ANO1: variants seen among roughly 807,000 people sequenced by gnomAD.
ANO1 encodes the protein anoctamin 1.
A neutral mutation model predicts 124.0 loss-of-function variants in ANO1; 59 were observed. The observed-to-expected ratio is 0.48, with a 90% confidence interval of 0.39 to 0.59. The LOEUF (loss-of-function observed/expected upper bound fraction) is 0.59, where lower values mean the gene tolerates loss of function less well. Ranked by LOEUF, ANO1 falls within the 20% of genes least tolerant of loss-of-function variation. The probability of loss-of-function intolerance (pLI) is 0.00; values close to 1 mark genes in which losing one functional copy is unlikely to be tolerated. For synonymous variants in ANO1, 529 were observed against 532.0 expected (o/e 0.99, Z 0.08); for missense variants, 1,059 against 1,328.0 (o/e 0.80, Z 3.15).
intron 1 of ANO1, among the ~76,000 whole-genome samples, chr11:70,003,540 A>C (rs1856423343): frequency 6.7e-6 from 1 of 149,738 alleles, no homozygotes. Context: ...ATCACCCTTT[A>C]TGTCCAGTGC....
At chr11:70,032,504 A>C (rs889410405) in intron 1 of ANO1, among the ~76,000 whole-genome samples, 1 of 147,602 alleles carries the variant, frequency 6.8e-6, no homozygotes, top group Non-Finnish European at 1.5e-5. Flanking sequence ...GGAGCAAAAA[A>C]GATGGGAGAG....
At chr11:70,062,925 G>T (rs1194240379) in intron 1 of ANO1, among the ~76,000 whole-genome samples, 3 of 152,002 alleles carry the variant, frequency 2.0e-5, no homozygotes, top group Admixed American at 6.6e-5. Context: ...TGTTGTTGTT[G>T]TTTGTTGTTG....
intron 1 of ANO1, among the ~76,000 whole-genome samples, chr11:70,047,026 G>A (rs557368812): frequency 6.8e-6 from 1 of 147,814 alleles, no homozygotes; most frequent in East Asian, 2.0e-4. Flanking sequence ...GTTGCAGTGA[G>A]CCAAGATCAC....
intron 1 of ANO1, among the ~76,000 whole-genome samples, chr11:70,057,946 T>C (rs782201959): frequency 6.6e-6 from 1 of 151,990 alleles, no homozygotes; most frequent in Non-Finnish European, 1.5e-5. Context: ...ATTTTGGCTG[T>C]GGTATGGAGA....
Position 70,146,068 on chromosome 11 carries a change from A to G in ANO1, c.1259-3642A>G, listed in dbSNP as rs74449719. On this transcript the variant is annotated intron_variant, in intron 11 of 25. Coordinates refer to ENST00000355303, the MANE Select transcript of ANO1 (RefSeq NM_018043.7). ...CCCATTTCCTCATCCATAAGATGGT[A>G]TGCTTTAATAATCAGATTTGTGACG... Among the ~76,000 whole-genome samples the G allele has an allele frequency of 8.6e-5, 13 of 152,028 alleles. No individual in the cohort carries two copies. In the East Asian group the frequency reaches 1.7e-3, roughly 20 times the overall value.
chr11:69,986,450 G>T (rs909653211), intron 1 of ANO1, among the ~76,000 whole-genome samples: 8 of 152,114 alleles, frequency 5.3e-5, no homozygotes, highest in African/African-American at 1.9e-4. Flanking sequence ...GCGCCGCCGG[G>T]CAGGGGCCCC....
chr11:70,108,217 CT>C (rs1315234029), intron 5 of ANO1, 135 bp from the exon 6 acceptor site: 1 of 761,978 alleles, frequency 1.3e-6, no homozygotes, highest in Non-Finnish European at 2.1e-6. Context: ...ATGCCATTGT[CT>C]TTCCTTGGAA....
chr11:70,020,631 C>T (rs1319345306), intron 1 of ANO1, among the ~76,000 whole-genome samples: 10 of 152,190 alleles, frequency 6.6e-5, no homozygotes, highest in Non-Finnish European at 1.3e-4. Flanking sequence ...CACCCCTCTT[C>T]GCTGCTGCGG....
At chr11:69,990,664 G>A (rs1856136473) in intron 1 of ANO1, among the ~76,000 whole-genome samples, 1 of 152,168 alleles carries the variant, frequency 6.6e-6, no homozygotes, top group African/African-American at 2.4e-5. Flanking sequence ...TATATATACT[G>A]TTTAATTACA....
chr11:70,124,377 G>A lies in ANO1; in HGVS notation c.925G>A (p.Gly309Arg). 6.2e-7 allele frequency: 1 copy of A among 1,613,896 alleles called. No individual in the cohort carries two copies. The highest frequency in any genetic ancestry group is 8.5e-7 in the Non-Finnish European group (1 of 1,179,892). ...KLLYEEWARY[G>R]VFYKYQPIDL... ...CCTGTACGAAGAGTGGGCACGCTAT[G>A]GAGTTTTCTATAAGTACCAGCCCAT... Residue 309 changes from glycine (G) to arginine (R), a missense_variant, in exon 9 of 26, where the codon GGA becomes AGA. Gly to Arg is a moderately radical substitution (Grantham distance 125). Coordinates refer to ENST00000355303, the MANE Select transcript of ANO1 (RefSeq NM_018043.7).
chr11:69,991,534 T>A (rs2120302591), intron 1 of ANO1, among the ~76,000 whole-genome samples: 1 of 152,348 alleles, frequency 6.6e-6, no homozygotes, highest in East Asian at 1.9e-4. Flanking sequence ...CCTGCAGTGA[T>A]GGGCAAGTAC....
intron 2 of ANO1, among the ~76,000 whole-genome samples, chr11:70,097,225 C>A (rs148232999): frequency 6.6e-6 from 1 of 152,330 alleles, no homozygotes; most frequent in Admixed American, 6.5e-5. Flanking sequence ...AGTCCCTGCC[C>A]CATGCTTGGG....
In ANO1 at chr11:70,167,299, C is replaced by G. The variant is rs200463172; in HGVS notation, c.2109C>G (p.His703Gln). The stretch of plus-strand genomic sequence containing the variant: ...TGAAGCAGCAGAGCCCCCCTGACCA[C>G]GAGGAGTGTGTGAAGAGGAAACAGC... ...LKLKQQSPPD[H>Q]EECVKRKQRY... Residue 703 changes from histidine (H) to glutamine (Q), a missense_variant, in exon 21 of 26, where the codon CAC (histidine) becomes CAG (glutamine). Coordinates refer to ENST00000355303, the MANE Select transcript of ANO1 (RefSeq NM_018043.7). 6.2e-7 allele frequency: 1 copy of G among 1,613,852 alleles called. No homozygotes were observed. Among genetic ancestry groups the G allele is most frequent in the Non-Finnish European group, 8.5e-7 (1 of 1,179,894 alleles).
chr11:70,152,419 T>A, intron 12 of ANO1, 31 bp from the exon 13 acceptor site: 3 of 1,607,480 alleles, frequency 1.9e-6, no homozygotes, highest in Non-Finnish European at 2.6e-6. Flanking sequence ...CATCTTTGTG[T>A]TTTTGTTTTT....
At chr11:70,127,098 G>C (rs1410004777) in intron 10 of ANO1, among the ~76,000 whole-genome samples, 1 of 147,672 alleles carries the variant, frequency 6.8e-6, no homozygotes, top group Admixed American at 6.7e-5. Context: ...ATGAACGCTA[G>C]AGGCCTCGGT....
chr11:69,971,674 C>T, the ANO1 span, among the ~76,000 whole-genome samples: 2 of 152,046 alleles, frequency 1.3e-5, 1 homozygote, highest in African/African-American at 4.8e-5. Flanking sequence ...CTGGGGCTGT[C>T]GGAGGAGGCC....
the ANO1 span, among the ~76,000 whole-genome samples, chr11:69,969,566 G>A: frequency 6.6e-6 from 1 of 152,148 alleles, no homozygotes; most frequent in Non-Finnish European, 1.5e-5. Context: ...GCTCTCCTGG[G>A]AAAGTGCATC....
At chr11:70,096,677 A>T (rs1466555003) in intron 2 of ANO1, among the ~76,000 whole-genome samples, 2 of 152,082 alleles carry the variant, frequency 1.3e-5, no homozygotes, top group African/African-American at 4.8e-5. Flanking sequence ...CCTGGCCAAC[A>T]TAGTGAAACC....
chr11:70,043,218 A>G (rs1857208785), intron 1 of ANO1, among the ~76,000 whole-genome samples: 1 of 152,226 alleles, frequency 6.6e-6, no homozygotes, highest in Non-Finnish European at 1.5e-5. Context: ...GGGAGTAACA[A>G]CAGATAGGGT....
Sources: allele counts gnomAD v4.1 joint callset (sites outside exome capture counted in the v4.1 genomes callset), GRCh38; gene constraint gnomAD v4.1.1; transcripts MANE v1.5; gene names NCBI Gene and HGNC (gene_info 2026-07-23, HGNC 2026-07-21).